Variants in MCPH1 observed in about 807,000 individuals in gnomAD.
MCPH1 encodes microcephalin 1, also known as microcephalin.
In MCPH1, 104 loss-of-function variants were observed where a neutral mutation model predicts 84.5. The ratio of observed to expected loss-of-function variants is 1.23; its 90% CI spans 1.05 to 1.45. The LOEUF (loss-of-function observed/expected upper bound fraction) is 1.45, where lower values mean the gene tolerates loss of function less well. MCPH1 is among the 40% of genes most tolerant of loss of function. MCPH1 has a pLI of 0.00. For synonymous variants in MCPH1, 514 were observed against 366.8 expected, an observed-to-expected ratio of 1.40 and a Z score of -4.58; for missense variants, 1,498 against 1,005.7, an observed-to-expected ratio of 1.49 and a Z score of -6.62.
chr8:6,499,054 AAAATAAATAAATTAAAT>A (rs1319453148), intron 11 of MCPH1, among the ~76,000 whole-genome samples: 3 of 146,274 alleles, frequency 2.1e-5, no homozygotes, highest in African/African-American at 5.0e-5. Flanking sequence ...TTTGTCTCAA[AAAATAAATAAATTAAAT>A]AAATAAATAA....
chr8:6,617,424 AAAT>A (rs1471631266), intron 12 of MCPH1, among the ~76,000 whole-genome samples: 1 of 151,822 alleles, frequency 6.6e-6, no homozygotes, highest in South Asian at 2.1e-4. Flanking sequence ...GATTTTTAAA[AAAT>A]TATCTTTTAA....
At chr8:6,477,667 T>G in intron 10 of MCPH1, 36 bp downstream of exon 10, 1 of 1,581,280 alleles carries the variant, frequency 6.3e-7, no homozygotes, top group Non-Finnish European at 8.7e-7. Context: ...CAATGTAAAA[T>G]GTTAACCTTT....
chr8:6,549,102 G>A (rs1019785433), intron 12 of MCPH1, among the ~76,000 whole-genome samples: 1 of 152,188 alleles, frequency 6.6e-6, no homozygotes, highest in Non-Finnish European at 1.5e-5. Context: ...AGTCAAAACA[G>A]CTTTCAGTCA....
intron 9 of MCPH1, among the ~76,000 whole-genome samples, chr8:6,456,859 G>T (rs1332317682): frequency 2.0e-5 from 3 of 152,152 alleles, no homozygotes; most frequent in African/African-American, 7.2e-5. Flanking sequence ...GTCTGTGGAA[G>T]CACTGGGTTA....
At chr8:6,438,859 A>G in intron 5 of MCPH1, 94 bp from the exon 6 acceptor site, 8 of 1,140,384 alleles carry the variant, frequency 7.0e-6, no homozygotes, top group Non-Finnish European at 1.0e-5. Context: ...AAGAAGGAAA[A>G]CGGGGTGTGG....
At chr8:6,514,857 A>C in intron 12 of MCPH1, 1 of 1,251,122 alleles carries the variant, frequency 8.0e-7, no homozygotes, top group Non-Finnish European at 1.2e-6. Context: ...AGGAATGTAG[A>C]CCCTGAGTGC....
chr8:6,414,278 G>A (rs1308999119), intron 2 of MCPH1, among the ~76,000 whole-genome samples: 1 of 152,248 alleles, frequency 6.6e-6, no homozygotes, highest in African/African-American at 2.4e-5. Flanking sequence ...AAAGTGCTGG[G>A]ATTACAGGCA....
chr8:6,616,170 G>T (rs1260209217), intron 12 of MCPH1: 1 of 152,182 alleles, frequency 6.6e-6, no homozygotes, highest in African/African-American at 2.4e-5. Flanking sequence ...GAGAACTACA[G>T]CCCTGTAAGA....
chr8:6,609,829 C>A (rs1483260518), intron 12 of MCPH1, among the ~76,000 whole-genome samples: 2 of 74,970 alleles, frequency 2.7e-5, no homozygotes, highest in Admixed American at 1.1e-4. Context: ...GCCCCCCCCC[C>A]ACACACAGAC....
intron 8 of MCPH1, among the ~76,000 whole-genome samples, chr8:6,453,858 C>T (rs1019721647): frequency 6.6e-6 from 1 of 152,002 alleles, no homozygotes; most frequent in Non-Finnish European, 1.5e-5. Context: ...GTTTGAGTCT[C>T]GAGTGGATTC....
chr8:6,539,701 C>G (rs532017575), intron 12 of MCPH1, among the ~76,000 whole-genome samples: 1 of 152,328 alleles, frequency 6.6e-6, no homozygotes, highest in African/African-American at 2.4e-5. Flanking sequence ...ATTCTCCCGC[C>G]TCAGCTTCCC....
intron 12 of MCPH1, among the ~76,000 whole-genome samples, chr8:6,544,289 C>T (rs1822140493): frequency 6.6e-6 from 1 of 152,108 alleles, no homozygotes; most frequent in Non-Finnish European, 1.5e-5. Context: ...CTGTCTGTGG[C>T]CAGCAGTCCA....
In MCPH1 at chr8:6,439,056, A is replaced by C; in HGVS notation, c.540A>C (p.Leu180Phe). ...SRHHSAMEKR[L>F]QEMKEKRENL... ...ACCACAGCGCAATGGAGAAGAGATTACAAGAGATGAAGGAGAAAAGGGAAA... is the reference window on the plus strand; with the variant it reads ...ACCACAGCGCAATGGAGAAGAGATTCCAAGAGATGAAGGAGAAAAGGGAAA... The change falls in exon 6 of 14, where the codon TTA (leucine) becomes TTC (phenylalanine). Residue 180 changes from leucine (L) to phenylalanine (F), a missense_variant. Coordinates refer to ENST00000344683, the MANE Select transcript of MCPH1 (RefSeq NM_024596.5). 6.2e-7 allele frequency: 1 copy of C among 1,613,582 alleles called. No individual in the cohort carries two copies. The highest frequency in any genetic ancestry group is 1.1e-5 in the South Asian group (1 of 91,078).
chr8:6,487,517 T>A (rs1810078401), intron 11 of MCPH1, among the ~76,000 whole-genome samples: 2 of 152,378 alleles, frequency 1.3e-5, no homozygotes, highest in East Asian at 1.9e-4. Context: ...CCTAAGTCTG[T>A]TCAAAAGGGA....
chr8:6,545,190 G>A (rs1822350332), intron 12 of MCPH1, among the ~76,000 whole-genome samples: 1 of 152,070 alleles, frequency 6.6e-6, no homozygotes, highest in Admixed American at 6.6e-5. Flanking sequence ...GGGGTTTGAG[G>A]CTGTGAACTG....
chr8:6,599,181 C>T (rs568057261), intron 12 of MCPH1, among the ~76,000 whole-genome samples: 16 of 152,138 alleles, frequency 1.1e-4, no homozygotes, highest in Admixed American at 7.2e-4. Context: ...AAAAAGAAGC[C>T]TTGATGTTGT....
intron 13 of MCPH1, 72 bp from the exon 14 acceptor site, chr8:6,642,922 T>C: frequency 1.4e-6 from 2 of 1,403,468 alleles, no homozygotes; most frequent in East Asian, 2.3e-5. Context: ...TTCATGTATA[T>C]ACAAACAGGT....
chr8:6,477,064 A>AT (rs5889172), intron 9 of MCPH1, among the ~76,000 whole-genome samples: 150,053 of 152,052 alleles, frequency 0.99, 74,065 homozygotes, highest in East Asian at 1. Context: ...TTTTATTTAA[A>AT]TTTTTTTCAA....
intron 5 of MCPH1, among the ~76,000 whole-genome samples, chr8:6,437,059 A>G (rs945887865): frequency 6.6e-6 from 1 of 152,170 alleles, no homozygotes; most frequent in African/African-American, 2.4e-5. Flanking sequence ...TAAAGTCAGT[A>G]TTTCCTACTA....
Sources: allele counts gnomAD v4.1 joint callset (sites outside exome capture counted in the v4.1 genomes callset), GRCh38; gene constraint gnomAD v4.1.1; transcripts MANE v1.5; gene names NCBI Gene and HGNC (gene_info 2026-07-23, HGNC 2026-07-21).